The following MTARC2 variants were observed in gnomAD, a reference collection of about 807,000 sequenced individuals.
The protein encoded by MTARC2 is MOCO sulphurase C-terminal domain containing 2.
MTARC2 carries 27 observed loss-of-function variants against 35.6 expected under a neutral mutation model. That is an observed-to-expected ratio of 0.76 (90% CI 0.56 to 1.04). The LOEUF (loss-of-function observed/expected upper bound fraction) is 1.04. MTARC2 is among the 50% of genes least tolerant of loss of function. The pLI is 0.00. For missense variants in MTARC2, 412 were observed against 432.5 expected, an observed-to-expected ratio of 0.95 and a Z score of 0.42; for synonymous variants, 158 against 167.1, an observed-to-expected ratio of 0.95 and a Z score of 0.42.
intron 2 of MTARC2, among the ~76,000 whole-genome samples, chr1:220,758,714 C>T (rs112462016): frequency 8.9e-4 from 135 of 152,242 alleles, no homozygotes; most frequent in African/African-American, 1.3e-3. Context: ...CCACCGTGCA[C>T]GGCCTGATTA....
At chr1:220,767,542 C>T (rs900429462) in intron 4 of MTARC2, among the ~76,000 whole-genome samples, 1 of 152,154 alleles carries the variant, frequency 6.6e-6, no homozygotes, top group African/African-American at 2.4e-5. Context: ...GGGAATGCAG[C>T]AAAATGAAGT....
At chr1:220,779,708 C>G (rs1056750151) in intron 4 of MTARC2, among the ~76,000 whole-genome samples, 4 of 151,984 alleles carry the variant, frequency 2.6e-5, no homozygotes, top group Admixed American at 2.0e-4. Context: ...GCAAGTTACA[C>G]ATTTCTCATT....
chr1:220,755,156 G>A, intron 2 of MTARC2, 36 bp downstream of exon 2: 1 of 1,555,352 alleles, frequency 6.4e-7, no homozygotes, highest in Non-Finnish European at 8.7e-7. Flanking sequence ...AACTGCAACA[G>A]GCTTGGTTTC....
At chr1:220,750,408 C>T (rs1373572011) in intron 1 of MTARC2, among the ~76,000 whole-genome samples, 1 of 152,134 alleles carries the variant, frequency 6.6e-6, no homozygotes, top group Non-Finnish European at 1.5e-5. Flanking sequence ...TCTGCGTTTC[C>T]TCTGATCACC....
chr1:220,756,995 C>T (rs541469334), intron 2 of MTARC2, among the ~76,000 whole-genome samples: 2 of 152,352 alleles, frequency 1.3e-5, no homozygotes, highest in Admixed American at 1.3e-4. Context: ...CTCCACCTCC[C>T]AGGTTCAAGC....
At chr1:220,749,427 C>CTTTTTTT (rs60380640) in intron 1 of MTARC2, among the ~76,000 whole-genome samples, 1 of 98,708 alleles carries the variant, frequency 1.0e-5, no homozygotes. Context: ...ATGCCTTCTT[C>CTTTTTTT]TTTTTTTTTT....
intron 2 of MTARC2, among the ~76,000 whole-genome samples, chr1:220,761,417 AC>A (rs1470344487): frequency 6.6e-6 from 1 of 152,144 alleles, no homozygotes; most frequent in Non-Finnish European, 1.5e-5. Flanking sequence ...GACCTACTGA[AC>A]CAGAATCTGC....
chr1:220,750,351 C>T (rs1247066755), intron 1 of MTARC2, among the ~76,000 whole-genome samples: 1 of 152,190 alleles, frequency 6.6e-6, no homozygotes, highest in Non-Finnish European at 1.5e-5. Flanking sequence ...TGCACTACTT[C>T]CTTCCTCGCT....
At chr1:220,769,292 C>G (rs113603606) in intron 4 of MTARC2, among the ~76,000 whole-genome samples, 115 of 152,358 alleles carry the variant, frequency 7.5e-4, no homozygotes, top group Middle Eastern at 6.8e-3. Flanking sequence ...TTTCTTATCA[C>G]TACACCCAGT....
intron 1 of MTARC2, among the ~76,000 whole-genome samples, chr1:220,753,867 T>C (rs1487825109): frequency 1.3e-5 from 2 of 152,210 alleles, no homozygotes; most frequent in East Asian, 3.9e-4. Context: ...CCAGCCAACA[T>C]AGCGAAACCC....
intron 4 of MTARC2, among the ~76,000 whole-genome samples, chr1:220,771,643 A>T (rs1305785616): frequency 6.6e-6 from 1 of 152,278 alleles, no homozygotes; most frequent in East Asian, 1.9e-4. Context: ...ATTATAAAGG[A>T]TATTTTAAAA....
intron 7 of MTARC2, among the ~76,000 whole-genome samples, chr1:220,782,681 G>A (rs978826324): frequency 6.6e-6 from 1 of 152,156 alleles, no homozygotes; most frequent in Non-Finnish European, 1.5e-5. Flanking sequence ...TGTGTTACTT[G>A]CCTTTGTAGT....
At chr1:220,760,900 G>A (rs1671419071) in intron 2 of MTARC2, among the ~76,000 whole-genome samples, 1 of 152,144 alleles carries the variant, frequency 6.6e-6, no homozygotes, top group Non-Finnish European at 1.5e-5. Flanking sequence ...AACCAACATG[G>A]CATTTAGATC....
Position 220,770,069 on chromosome 1 carries a change from T to C in MTARC2, c.750+7019T>C, listed in dbSNP as rs540925660. ...TTGCAGTGAGCCGAGATCGCGCCAC[T>C]ACACTCCAGCCTGGGCGACAGAGCA... On this transcript the variant is annotated intron_variant, in intron 4 of 7. Coordinates refer to ENST00000366913, the MANE Select transcript of MTARC2 (RefSeq NM_017898.5). 5.3e-5 allele frequency among the ~76,000 whole-genome samples: 8 copies of C among 151,480 alleles called. No individual in the cohort carries two copies. In the South Asian group the frequency reaches 1.7e-3, roughly 32 times the overall value.
chr1:220,782,226 A>G lies in MTARC2; in HGVS notation c.*31+294A>G, dbSNP rs1672093289. 2.6e-5 allele frequency among the ~76,000 whole-genome samples: 4 copies of G among 152,236 alleles called. No individual in the cohort carries two copies. The South Asian group carries it at 8.3e-4, about 32-fold the overall frequency. On this transcript the variant is annotated intron_variant, in intron 7 of 7. Transcript: ENST00000366913. ...TCATTACAGAATATCATTAAGGAAT[A>G]GGGAAATGAAGGTGATTGATTCTCA...
chr1:220,764,787 GGAAAA>G (rs1437864435), intron 4 of MTARC2, among the ~76,000 whole-genome samples: 3 of 149,250 alleles, frequency 2.0e-5, no homozygotes, highest in South Asian at 4.3e-4. Flanking sequence ...AAAAAAAAAA[GGAAAA>G]GAAAAGAGCA....
Position 220,761,552 on chromosome 1 carries a change from C to G in MTARC2, c.447-106C>G, listed in dbSNP as rs1572299187. On this transcript the variant is annotated intron_variant, in intron 2 of 7. Transcript: ENST00000366913. ...TTTGACCCAGGGACCACTTAACAGC[C>G]CTCTGGGATGGTCAGGTCCCAACAG... is the stretch of plus-strand genomic sequence containing the variant. 2.5e-5 allele frequency: 27 copies of G among 1,101,056 alleles called. No individual in the cohort carries two copies. The East Asian group carries it at 7.0e-4, about 29-fold the overall frequency. The allele number at this position is 1,101,056 out of a possible 1,614,324, so 68.2% of individuals were successfully genotyped here.
chr1:220,762,430 C>T (rs1671464884), intron 3 of MTARC2, among the ~76,000 whole-genome samples: 1 of 152,232 alleles, frequency 6.6e-6, no homozygotes, highest in Non-Finnish European at 1.5e-5. Flanking sequence ...CAGGGAATTT[C>T]TCTCCATAGC....
chr1:220,762,080 G>A (rs1671453283), intron 3 of MTARC2, among the ~76,000 whole-genome samples: 1 of 152,178 alleles, frequency 6.6e-6, no homozygotes, highest in African/African-American at 2.4e-5. Flanking sequence ...GGGGGAGCCA[G>A]GGGTGACTCC....
Sources: gnomAD v4.1 joint callset for allele counts (sites outside exome capture counted in the v4.1 genomes callset) on GRCh38, gnomAD v4.1.1 for gene constraint, MANE v1.5 for transcripts, NCBI Gene and HGNC (gene_info 2026-07-23, HGNC 2026-07-21) for gene names.